SPRYD4: variants seen among roughly 807,000 people sequenced by gnomAD.
SPRYD4 encodes SPRY domain-containing protein 4.
In SPRYD4, 12 loss-of-function variants were observed where a neutral mutation model predicts 16.6. That is an observed-to-expected ratio of 0.72 (90% confidence interval 0.46 to 1.17). The LOEUF is 1.17. Among genes scored for constraint, SPRYD4 ranks in the 50% most tolerant of loss-of-function variants. The probability of loss-of-function intolerance (pLI) is 0.00; values close to 1 mark genes in which losing one functional copy is unlikely to be tolerated. For synonymous variants in SPRYD4, 98 were observed against 105.4 expected (o/e 0.93, Z 0.43); for missense variants, 260 against 260.2 (o/e 1.00, Z 0.00).
rs754774144 is a variant in SPRYD4 at position 56,471,869 on chromosome 12, C to T, written c.*2292C>T. 35 of 1,606,496 alleles carry T rather than the reference C, an allele frequency of 2.2e-5. No homozygotes were observed. The Admixed American group carries it at 2.5e-4, about 11-fold the overall frequency. On this transcript the variant is annotated 3_prime_UTR_variant, in exon 2 of 2. Transcript: ENST00000338146. ...TATGGGCAGAAGGAAAATGAGAAGG[C>T]GCAGGTCTTGAACCCTTTGGTGCAG...
At position 56,479,629 on chromosome 12, in the gene SPRYD4, TATG is replaced by T; in HGVS notation, c.*10057_*10059del. 6.6e-6 allele frequency: 6 copies of T among 908,604 alleles called. No homozygotes were observed. The highest frequency in any genetic ancestry group is 7.7e-6 in the Non-Finnish European group (5 of 645,632). The allele number at this position is 908,604 out of a possible 1,614,324, so 56.3% of individuals were successfully genotyped here. On this transcript the variant is annotated 3_prime_UTR_variant, in exon 2 of 2. Transcript: ENST00000338146. ...TGTATTTCTATATTGTTTGAACTCT[TATG>T]ATGAGTATTCATGTATAACTTATGT... is the stretch of plus-strand genomic sequence containing the variant.
Position 56,471,454 on chromosome 12 carries a change from T to C in SPRYD4, c.*1877T>C. On this transcript the variant is annotated 3_prime_UTR_variant, in exon 2 of 2. Coordinates refer to ENST00000338146, the MANE Select transcript of SPRYD4 (RefSeq NM_207344.4). ...ATTACATGTGTGGCCAGCTCATGCT[T>C]TTTCTTGAGCAGGGGCTGTCCATGA... 6.3e-7 allele frequency: 1 copy of C among 1,583,688 alleles called. No individual in the cohort carries two copies. The highest frequency in any genetic ancestry group is 8.6e-7 in the Non-Finnish European group (1 of 1,165,228).
At position 56,475,848 on chromosome 12, in the gene SPRYD4, G is replaced by A. The variant is rs2136184343; in HGVS notation, c.*6271G>A. The A allele has an allele frequency of 1.4e-6, 2 of 1,434,812 alleles. No homozygotes were observed. Among genetic ancestry groups the A allele is most frequent in the Non-Finnish European group, 2.0e-6 (2 of 1,018,282 alleles). 88.9% of individuals were successfully genotyped at this position (1,434,812 alleles called of 1,614,324 possible). On this transcript the variant is annotated 3_prime_UTR_variant, in exon 2 of 2. Transcript: ENST00000338146. ...AATAAGGCTTCTAGTATGGGCTGGT[G>A]CACCTGGTAGTGGGGTTAGAGAGCC...
rs546551551 is a variant in SPRYD4 at position 56,478,575 on chromosome 12, G to T, written c.*8998G>T. 2.9e-6 allele frequency: 1 copy of T among 340,350 alleles called. No individual in the cohort carries two copies. Among genetic ancestry groups the T allele is most frequent in the South Asian group, 3.5e-5 (1 of 28,202 alleles). The allele number at this position is 340,350 out of a possible 1,614,324, so 21.1% of individuals were successfully genotyped here. A position where few individuals can be genotyped will look rare whatever the true frequency, so the allele number is the denominator to read the frequency against. ...ATAAATCCCTTTGAAGGCTCTATTC[G>T]ATCTTGATTCCCTCACCTGCTCTAG... On this transcript the variant is annotated 3_prime_UTR_variant, in exon 2 of 2. Coordinates refer to ENST00000338146, the MANE Select transcript of SPRYD4 (RefSeq NM_207344.4).
chr12:56,469,636 C>A lies in SPRYD4; in HGVS notation c.*59C>A. The A allele has an allele frequency of 6.6e-7, 1 of 1,510,744 alleles. No homozygotes were observed. Among genetic ancestry groups the A allele is most frequent in the Non-Finnish European group, 8.9e-7 (1 of 1,127,938 alleles). 93.6% of individuals were successfully genotyped at this position (1,510,744 alleles called of 1,614,324 possible). ...TGGCCAGCCTCCTTTTGAAAGTGTCCGAAGCCTTTTTACTTTGCCTCAAGC... is the reference window on the plus strand; with the variant it reads ...TGGCCAGCCTCCTTTTGAAAGTGTCAGAAGCCTTTTTACTTTGCCTCAAGC... On this transcript the variant is annotated 3_prime_UTR_variant, in exon 2 of 2. Coordinates refer to ENST00000338146, the MANE Select transcript of SPRYD4 (RefSeq NM_207344.4).
In SPRYD4 at chr12:56,473,266, G is replaced by A. The variant is rs752271151; in HGVS notation, c.*3689G>A. 1.1e-5 allele frequency: 17 copies of A among 1,614,056 alleles called. No homozygotes were observed. Among genetic ancestry groups the A allele is most frequent in the East Asian group, 2.2e-5 (1 of 44,876 alleles). ...CCTTCACGCCGTGGGTCTAACTTCC[G>A]AGCACAGTGCCTCAGGTTGTCATAG... is the stretch of plus-strand genomic sequence containing the variant. On this transcript the variant is annotated 3_prime_UTR_variant, in exon 2 of 2. Coordinates refer to ENST00000338146, the MANE Select transcript of SPRYD4 (RefSeq NM_207344.4).
chr12:56,471,427 G>A lies in SPRYD4; in HGVS notation c.*1850G>A, dbSNP rs913483652. The A allele has an allele frequency of 2.0e-6, 3 of 1,525,676 alleles. No individual in the cohort carries two copies. The highest frequency in any genetic ancestry group is 2.7e-6 in the Non-Finnish European group (3 of 1,131,966). 94.5% of individuals were successfully genotyped at this position (1,525,676 alleles called of 1,614,324 possible). A position where few individuals can be genotyped will look rare whatever the true frequency, so the allele number is the denominator to read the frequency against. ...TCTCCATAGTATTTTTGGTGGTTAT[G>A]GATTACATGTGTGGCCAGCTCATGC... is the stretch of plus-strand genomic sequence containing the variant. On this transcript the variant is annotated 3_prime_UTR_variant, in exon 2 of 2. Transcript: ENST00000338146.
chr12:56,479,232 C>T lies in SPRYD4; in HGVS notation c.*9655C>T. The T allele has an allele frequency of 6.2e-7, 1 of 1,601,654 alleles. No individual in the cohort carries two copies. The highest frequency in any genetic ancestry group is 1.3e-5 in the African/African-American group (1 of 74,884). On this transcript the variant is annotated 3_prime_UTR_variant, in exon 2 of 2. Transcript: ENST00000338146. ...GGGGGCTAGAGAAATGCAGCTGGGACTCACTCTGGAGCCACGGAAATTGGG... is the reference window on the plus strand; with the variant it reads ...GGGGGCTAGAGAAATGCAGCTGGGATTCACTCTGGAGCCACGGAAATTGGG...
chr12:56,477,563 C>T lies in SPRYD4; in HGVS notation c.*7986C>T. On this transcript the variant is annotated 3_prime_UTR_variant, in exon 2 of 2. Coordinates refer to ENST00000338146, the MANE Select transcript of SPRYD4 (RefSeq NM_207344.4). Reference sequence around the variant, plus strand: ...TGGGGACCCTCAAAGGAATCAGAGCCCCACCAGTCTCCCTGGAGAGCTGAA... The same window carrying T: ...TGGGGACCCTCAAAGGAATCAGAGCTCCACCAGTCTCCCTGGAGAGCTGAA... 1.6e-6 allele frequency: 2 copies of T among 1,262,840 alleles called. No individual in the cohort carries two copies. The highest frequency in any genetic ancestry group is 2.1e-5 in the Admixed American group (1 of 47,230). 78.2% of individuals were successfully genotyped at this position (1,262,840 alleles called of 1,614,324 possible).
chr12:56,472,137 G>A lies in SPRYD4; in HGVS notation c.*2560G>A. ...TCAGTACCTTCAGCTGCAGCAACAT[G>A]CAGAGCTGTGCGCGAGTCATAGTCT... is the stretch of plus-strand genomic sequence containing the variant. On this transcript the variant is annotated 3_prime_UTR_variant, in exon 2 of 2. Coordinates refer to ENST00000338146, the MANE Select transcript of SPRYD4 (RefSeq NM_207344.4). 6.2e-7 allele frequency: 1 copy of A among 1,614,184 alleles called. No individual in the cohort carries two copies. Among genetic ancestry groups the A allele is most frequent in the East Asian group, 2.2e-5 (1 of 44,890 alleles).
rs1389822974 is a variant in SPRYD4 at position 56,475,813 on chromosome 12, C to T, written c.*6236C>T. The T allele has an allele frequency of 1.4e-6, 2 of 1,402,218 alleles. No individual in the cohort carries two copies. The highest frequency in any genetic ancestry group is 2.8e-5 in the African/African-American group (2 of 70,560). The allele number at this position is 1,402,218 out of a possible 1,614,324, so 86.9% of individuals were successfully genotyped here. On this transcript the variant is annotated 3_prime_UTR_variant, in exon 2 of 2. Transcript: ENST00000338146. ...CCTCTCTGAGGCCAGCAGATTTCCA[C>T]ATTTCTGGAAATAAGGCTTCTAGTA...
chr12:56,475,364 CT>C lies in SPRYD4; in HGVS notation c.*5790del. Reference sequence around the variant, plus strand: ...CTAGGAAAACTGGTGAAGTTTTTGGCTTTGAAAGTCTTGGCAAGAAAGGGCT... The same window carrying C: ...CTAGGAAAACTGGTGAAGTTTTTGGCTTGAAAGTCTTGGCAAGAAAGGGCT... On this transcript the variant is annotated 3_prime_UTR_variant, in exon 2 of 2. Transcript: ENST00000338146. 1 of 981,952 alleles carries C rather than the reference CT, an allele frequency of 1.0e-6. No individual in the cohort carries two copies. The highest frequency in any genetic ancestry group is 1.5e-6 in the Non-Finnish European group (1 of 684,334). 60.8% of individuals were successfully genotyped at this position (981,952 alleles called of 1,614,324 possible). A position where few individuals can be genotyped will look rare whatever the true frequency, so the allele number is the denominator to read the frequency against.
Position 56,474,882 on chromosome 12 carries a change from C to G in SPRYD4, c.*5305C>G. The G allele has an allele frequency of 6.2e-7, 1 of 1,614,078 alleles. No homozygotes were observed. ...GATCAAGGGCAGCCATCATGTCCAC[C>G]CCCTTAGGAAAGCACTGCAAGGAAG... is the stretch of plus-strand genomic sequence containing the variant. On this transcript the variant is annotated 3_prime_UTR_variant, in exon 2 of 2. Transcript: ENST00000338146.
rs774588685 is a variant in SPRYD4 at position 56,473,543 on chromosome 12, G to GT, written c.*3967dup. Reference sequence around the variant, plus strand: ...AGGCACATCATTCCCATGACATTGGGTACCACCAGGAGGATGGCTCCTGAT... The same window carrying GT: ...AGGCACATCATTCCCATGACATTGGGTTACCACCAGGAGGATGGCTCCTGAT... On this transcript the variant is annotated 3_prime_UTR_variant, in exon 2 of 2. Transcript: ENST00000338146. The GT allele has an allele frequency of 4.3e-6, 7 of 1,613,466 alleles. No individual in the cohort carries two copies. The highest frequency in any genetic ancestry group is 5.1e-6 in the Non-Finnish European group (6 of 1,179,996).
In SPRYD4 at chr12:56,478,108, C is replaced by A. The variant is rs756326590; in HGVS notation, c.*8531C>A. 6.2e-7 allele frequency: 1 copy of A among 1,613,962 alleles called. No individual in the cohort carries two copies. Among genetic ancestry groups the A allele is most frequent in the Non-Finnish European group, 8.5e-7 (1 of 1,179,872 alleles). ...GGCCCACAGAGTGCCTGGAGGCAGA[C>A]AGATGCCATGAAAGGGGTTGGCCTG... is the stretch of plus-strand genomic sequence containing the variant. On this transcript the variant is annotated 3_prime_UTR_variant, in exon 2 of 2. Transcript: ENST00000338146.
In SPRYD4 at chr12:56,471,435, T is replaced by G; in HGVS notation, c.*1858T>G. The G allele has an allele frequency of 6.4e-7, 1 of 1,556,440 alleles. No individual in the cohort carries two copies. Among genetic ancestry groups the G allele is most frequent in the African/African-American group, 1.4e-5 (1 of 73,668 alleles). ...GTATTTTTGGTGGTTATGGATTACA[T>G]GTGTGGCCAGCTCATGCTTTTTCTT... On this transcript the variant is annotated 3_prime_UTR_variant, in exon 2 of 2. Coordinates refer to ENST00000338146, the MANE Select transcript of SPRYD4 (RefSeq NM_207344.4).
Position 56,469,255 on chromosome 12 carries a change from G to C in SPRYD4, c.302G>C (p.Arg101Pro). The C allele has an allele frequency of 6.2e-7, 1 of 1,614,020 alleles. No homozygotes were observed. Among genetic ancestry groups the C allele is most frequent in the Non-Finnish European group, 8.5e-7 (1 of 1,179,920 alleles). ...EVTVKRSQQFRIGVADVDMSR... is the reference protein window; with the variant it reads ...EVTVKRSQQFPIGVADVDMSR... ...ACAGTGAAGCGCTCCCAGCAGTTCC[G>C]GATAGGAGTGGCAGATGTGGACATG... Residue 101 changes from arginine (R) to proline (P), a missense_variant, in exon 2 of 2, where the codon CGG becomes CCG. Transcript: ENST00000338146.
In SPRYD4 at chr12:56,478,159, C is replaced by T. The variant is rs745372675; in HGVS notation, c.*8582C>T. 3.1e-6 allele frequency: 5 copies of T among 1,614,178 alleles called. No individual in the cohort carries two copies. Among genetic ancestry groups the T allele is most frequent in the Non-Finnish European group, 4.2e-6 (5 of 1,180,012 alleles). On this transcript the variant is annotated 3_prime_UTR_variant, in exon 2 of 2. Coordinates refer to ENST00000338146, the MANE Select transcript of SPRYD4 (RefSeq NM_207344.4). ...TGTTCGGCACCTGTGCCCTGCCTCC[C>T]CTTCCTCTTGCCCAGCATCTCACCG... is the stretch of plus-strand genomic sequence containing the variant.
In SPRYD4 at chr12:56,478,107, A is replaced by C; in HGVS notation, c.*8530A>C. 6.2e-7 allele frequency: 1 copy of C among 1,614,070 alleles called. No homozygotes were observed. The highest frequency in any genetic ancestry group is 8.5e-7 in the Non-Finnish European group (1 of 1,179,946). ...TGGCCCACAGAGTGCCTGGAGGCAG[A>C]CAGATGCCATGAAAGGGGTTGGCCT... On this transcript the variant is annotated 3_prime_UTR_variant, in exon 2 of 2. Coordinates refer to ENST00000338146, the MANE Select transcript of SPRYD4 (RefSeq NM_207344.4).
Sources: allele counts gnomAD v4.1 joint callset, GRCh38; gene constraint gnomAD v4.1.1; transcripts MANE v1.5; gene names NCBI Gene and HGNC (gene_info 2026-07-23, HGNC 2026-07-21).